SLC5A12: variants seen among roughly 807,000 people sequenced by gnomAD.
SLC5A12 encodes solute carrier family 5 member 12.
In SLC5A12, 46 loss-of-function variants were observed where a neutral mutation model predicts 72.7. That is an observed-to-expected ratio of 0.63 (90% CI 0.50 to 0.81). The LOEUF is 0.81. Among genes scored for constraint, SLC5A12 ranks in the 30% least tolerant of loss-of-function variants. The pLI, the probability that SLC5A12 is intolerant of heterozygous loss-of-function variation, is 0.00. For missense variants in SLC5A12, 683 were observed against 740.7 expected (o/e 0.92, Z 0.90); for synonymous variants, 275 against 264.4 (o/e 1.04, Z -0.39).
intron 6 of SLC5A12, among the ~76,000 whole-genome samples, chr11:26,698,941 C>T (rs1381974168): frequency 6.6e-6 from 1 of 152,032 alleles, no homozygotes; most frequent in East Asian, 1.9e-4. Flanking sequence ...CATCTTTTTC[C>T]AGAGAGATAA....
rs374614172 is a variant in SLC5A12, at chr11:26,678,820, G to A, written c.1476-5C>T. ...CAGGTATCAGCTATTCCAGGTCTGT[G>A]GAGAACAGCACATGTCACCAATTCC... On this transcript the variant is annotated splice_region_variant and splice_polypyrimidine_tract_variant and intron_variant, in intron 12 of 14. Coordinates refer to ENST00000396005, the MANE Select transcript of SLC5A12 (RefSeq NM_178498.4). 2.2e-5 allele frequency: 35 copies of A among 1,599,248 alleles called. No homozygotes were observed. The highest frequency in any genetic ancestry group is 1.1e-4 in the East Asian group (5 of 44,734).
chr11:26,678,601 A>C, intron 13 of SLC5A12, 111 bp downstream of exon 13: 1 of 751,322 alleles, frequency 1.3e-6, no homozygotes, highest in Admixed American at 2.3e-5. Flanking sequence ...TGTGGGAAGA[A>C]GGGTTTTTGT....
intron 14 of SLC5A12, among the ~76,000 whole-genome samples, chr11:26,673,162 T>C (rs935597806): frequency 6.6e-5 from 10 of 152,308 alleles, no homozygotes; most frequent in South Asian, 6.2e-4. Flanking sequence ...TAAAACAGTT[T>C]GAAAACTGAC....
intron 10 of SLC5A12, among the ~76,000 whole-genome samples, 173 bp from the exon 11 acceptor site, chr11:26,684,016 C>A (rs61877312): frequency 0.075 from 10,525 of 141,064 alleles, 500 homozygotes; most frequent in Non-Finnish European, 0.11. Context: ...ATGATAAGCA[C>A]TGTATTTATG....
chr11:26,719,752 T>G (rs1430383485), intron 1 of SLC5A12, among the ~76,000 whole-genome samples: 3 of 152,224 alleles, frequency 2.0e-5, no homozygotes, highest in African/African-American at 7.2e-5. Flanking sequence ...GATCACCCTC[T>G]ATGAATATGG....
chr11:26,670,755 A>T lies in SLC5A12; in HGVS notation c.*347T>A. The T allele has an allele frequency of 5.9e-6, 1 of 169,382 alleles. No individual in the cohort carries two copies. The highest frequency in any genetic ancestry group is 1.3e-5 in the Non-Finnish European group (1 of 79,992). The allele number at this position is 169,382 out of a possible 1,614,324, so 10.5% of individuals were successfully genotyped here. A position where few individuals can be genotyped will look rare whatever the true frequency, so the allele number is the denominator to read the frequency against. ...AACTCCAAGATATTTTGATGGTTAA[A>T]AAACTACTAAAACGAAAAACCTGAA... On this transcript the variant is annotated 3_prime_UTR_variant, in exon 15 of 15. Coordinates refer to ENST00000396005, the MANE Select transcript of SLC5A12 (RefSeq NM_178498.4).
chr11:26,677,847 T>C (rs1323936792), intron 13 of SLC5A12, among the ~76,000 whole-genome samples: 1 of 152,080 alleles, frequency 6.6e-6, no homozygotes, highest in Non-Finnish European at 1.5e-5. Flanking sequence ...TGGTATATAA[T>C]AGTCATGGAA....
upstream of SLC5A12, among the ~76,000 whole-genome samples, chr11:26,722,212 C>T (rs1426387304): frequency 6.6e-6 from 1 of 152,118 alleles, no homozygotes; most frequent in East Asian, 1.9e-4. Context: ...CAATCCTCAG[C>T]AGTGTCTTCC....
chr11:26,714,071 C>T (rs1855292635), intron 1 of SLC5A12, among the ~76,000 whole-genome samples: 1 of 150,668 alleles, frequency 6.6e-6, no homozygotes, highest in African/African-American at 2.4e-5. Context: ...CCTCAAAATC[C>T]TTTAATCACA....
rs372701947 is a variant in SLC5A12, at chr11:26,687,736, C to G, written c.1154-1192G>C. Reference sequence around the variant, plus strand: ...TCAGGCTAGTCATCTTTGAGGCTATCTTTTCCAACTTCTCAATAAGACACA... The same window carrying G: ...TCAGGCTAGTCATCTTTGAGGCTATGTTTTCCAACTTCTCAATAAGACACA... On this transcript the variant is annotated intron_variant, in intron 9 of 14. Coordinates refer to ENST00000396005, the MANE Select transcript of SLC5A12 (RefSeq NM_178498.4). Among the ~76,000 whole-genome samples, 10 of 152,262 alleles carry G rather than the reference C, an allele frequency of 6.6e-5. No individual in the cohort carries two copies. The South Asian group carries it at 1.7e-3, about 25-fold the overall frequency.
chr11:26,712,419 G>C (rs1314860892), intron 2 of SLC5A12, among the ~76,000 whole-genome samples: 1 of 152,028 alleles, frequency 6.6e-6, no homozygotes, highest in Non-Finnish European at 1.5e-5. Context: ...AAGAAAATGT[G>C]GGTGGCTTAT....
At chr11:26,707,024 T>G (rs1256473288) in intron 4 of SLC5A12, among the ~76,000 whole-genome samples, 1 of 151,896 alleles carries the variant, frequency 6.6e-6, no homozygotes, top group Non-Finnish European at 1.5e-5. Context: ...TCCTCTAGAT[T>G]TTTCTTTAGG....
In SLC5A12 at chr11:26,669,187, T is replaced by TTTCTTTCTTTTTCTTTCTTTC. The variant is rs1854073553; in HGVS notation, c.*1914_*1915insGAAAGAAAGAAAAAGAAAGAA. The TTTCTTTCTTTTTCTTTCTTTC allele has an allele frequency of 1.8e-5, 2 of 110,942 alleles. No individual in the cohort carries two copies. Among genetic ancestry groups the TTTCTTTCTTTTTCTTTCTTTC allele is most frequent in the African/African-American group, 6.4e-5 (2 of 31,104 alleles). The allele number at this position is 110,942 out of a possible 1,614,324, so 6.9% of individuals were successfully genotyped here. On this transcript the variant is annotated 3_prime_UTR_variant, in exon 15 of 15. Coordinates refer to ENST00000396005, the MANE Select transcript of SLC5A12 (RefSeq NM_178498.4). ...TGTCTTTTTCTTTCTTTCTTTCTTCTTTTCTTTCTTTCTTTCTTTCTTTCT... is the reference window on the plus strand; with the variant it reads ...TGTCTTTTTCTTTCTTTCTTTCTTCTTTCTTTCTTTTTCTTTCTTTCTTTCTTTCTTTCTTTCTTTCTTTCT...
chr11:26,718,233 T>A (rs530561217), intron 1 of SLC5A12, among the ~76,000 whole-genome samples: 1 of 152,320 alleles, frequency 6.6e-6, no homozygotes, highest in South Asian at 2.1e-4. Context: ...TGCAACACTC[T>A]TACATAGTAT....
chr11:26,687,119 G>C (rs1854555276), intron 9 of SLC5A12, among the ~76,000 whole-genome samples: 1 of 152,098 alleles, frequency 6.6e-6, no homozygotes, highest in African/African-American at 2.4e-5. Context: ...ATCACCAAAA[G>C]GACCTTCAGA....
chr11:26,687,975 A>C (rs927262032), intron 9 of SLC5A12, among the ~76,000 whole-genome samples: 5 of 152,226 alleles, frequency 3.3e-5, no homozygotes, highest in Admixed American at 6.5e-5. Context: ...CAGAAGAAAG[A>C]CATGTTTTTT....
chr11:26,713,935 GC>G (rs570603157), intron 1 of SLC5A12, among the ~76,000 whole-genome samples: 174 of 152,132 alleles, frequency 1.1e-3, no homozygotes, highest in Non-Finnish European at 1.9e-3. Flanking sequence ...TCCAATTTCT[GC>G]CTTTACAGTT....
intron 9 of SLC5A12, 40 bp downstream of exon 9, chr11:26,692,449 T>C: frequency 7.3e-7 from 1 of 1,372,224 alleles, no homozygotes; most frequent in East Asian, 2.3e-5. Flanking sequence ...CACATGTACA[T>C]TTCATGATAT....
chr11:26,710,047 G>A (rs1031526244), intron 3 of SLC5A12, among the ~76,000 whole-genome samples: 11 of 151,976 alleles, frequency 7.2e-5, no homozygotes, highest in Non-Finnish European at 1.5e-4. Context: ...CCTCCAGTGT[G>A]TGCTGTTCCC....
Sources: gnomAD v4.1 joint callset for allele counts (sites outside exome capture counted in the v4.1 genomes callset) on GRCh38, gnomAD v4.1.1 for gene constraint, MANE v1.5 for transcripts, NCBI Gene and HGNC (gene_info 2026-07-23, HGNC 2026-07-21) for gene names.